ABCA4: variants seen among roughly 807,000 people sequenced by gnomAD.
ABCA4 encodes the protein ATP binding cassette subfamily A member 4.
A neutral mutation model predicts 263.7 loss-of-function variants in ABCA4; 196 were observed. The observed-to-expected ratio is 0.74, with a 90% CI of 0.66 to 0.84. The LOEUF (loss-of-function observed/expected upper bound fraction) is 0.84, where lower values mean the gene tolerates loss of function less well. ABCA4 is among the 40% of genes least tolerant of loss of function. ABCA4 has a pLI of 0.00. For missense variants in ABCA4, 2,792 were observed against 2,855.1 expected, an observed-to-expected ratio of 0.98 and a Z score of 0.50; for synonymous variants, 1,133 against 1,094.2, an observed-to-expected ratio of 1.04 and a Z score of -0.70.
In ABCA4 at chr1:94,077,764, T is replaced by C. The variant is rs377135053; in HGVS notation, c.1480A>G (p.Met494Val). Reference protein sequence around the residue: ...KGPRESQADDMANFDWRDIFN... With the variant: ...KGPRESQADDVANFDWRDIFN... The stretch of plus-strand genomic sequence containing the variant: ...ATGTCCCTCCAGTCGAAGTTGGCCA[T>C]GTCGTCAGCCTGGCTTTCCCGAGGG... Residue 494 changes from methionine to valine, a missense_variant, in exon 11 of 50, where the codon ATG (methionine) becomes GTG (valine). Physicochemically the swap from Met to Val is conservative, Grantham distance 21. Transcript: ENST00000370225. The C allele has an allele frequency of 8.9e-5, 143 of 1,614,070 alleles. No homozygotes were observed. Among genetic ancestry groups the C allele is most frequent in the Non-Finnish European group, 1.2e-4 (138 of 1,180,036 alleles).
At chr1:94,093,801 G>C (rs1046655909) in intron 6 of ABCA4, among the ~76,000 whole-genome samples, 1 of 152,162 alleles carries the variant, frequency 6.6e-6, no homozygotes, top group Non-Finnish European at 1.5e-5. Flanking sequence ...TTTCTTCTTT[G>C]TTGAAATCCA....
intron 1 of ABCA4, 82 bp downstream of exon 1, chr1:94,120,898 C>CCT: frequency 1.3e-6 from 1 of 746,056 alleles, no homozygotes; most frequent in South Asian, 1.4e-5. Flanking sequence ...CCCCACCACC[C>CCT]TACCCCACCA....
intron 43 of ABCA4, among the ~76,000 whole-genome samples, 187 bp downstream of exon 43, chr1:94,007,447 C>A (rs915384065): frequency 6.6e-6 from 1 of 150,984 alleles, no homozygotes. Flanking sequence ...TATCACAATT[C>A]AGTTCACTTT....
chr1:94,092,644 G>T (rs1467428010), intron 6 of ABCA4, among the ~76,000 whole-genome samples: 4 of 152,148 alleles, frequency 2.6e-5, no homozygotes, highest in Non-Finnish European at 5.9e-5. Context: ...ACTAGAGGGT[G>T]GGCTCTTGGG....
chr1:94,063,661 T>C (rs937120952), intron 11 of ABCA4, among the ~76,000 whole-genome samples: 2 of 151,490 alleles, frequency 1.3e-5, no homozygotes, highest in African/African-American at 4.9e-5. Flanking sequence ...GGCGAGGGAG[T>C]GGGGTCACAC....
chr1:94,073,095 T>C (rs1312904968), intron 11 of ABCA4, among the ~76,000 whole-genome samples: 1 of 152,168 alleles, frequency 6.6e-6, no homozygotes, highest in African/African-American at 2.4e-5. Flanking sequence ...TCTCTGCTAC[T>C]AAGCCATCCT....
At chr1:94,012,101 G>A (rs572664987) in intron 38 of ABCA4, among the ~76,000 whole-genome samples, 2 of 152,306 alleles carry the variant, frequency 1.3e-5, no homozygotes, top group African/African-American at 4.8e-5. Context: ...GGCGTACGAG[G>A]CCAGCATAGC....
chr1:94,103,666 GAC>G (rs1269681875), intron 4 of ABCA4, among the ~76,000 whole-genome samples: 1 of 152,196 alleles, frequency 6.6e-6, no homozygotes, highest in Non-Finnish European at 1.5e-5. Context: ...GATTGGAGGA[GAC>G]ACGTGCTCTT....
intron 32 of ABCA4, among the ~76,000 whole-genome samples, chr1:94,022,967 T>C (rs997952587): frequency 3.9e-5 from 6 of 152,150 alleles, no homozygotes; most frequent in African/African-American, 1.4e-4. Context: ...CTGGAAATAT[T>C]TCAACCTCCA....
chr1:94,057,342 C>G (rs1401008172), intron 14 of ABCA4, among the ~76,000 whole-genome samples: 1 of 152,184 alleles, frequency 6.6e-6, no homozygotes, highest in Non-Finnish European at 1.5e-5. Context: ...GTTAAGTAAG[C>G]AAATCCTCGG....
chr1:94,033,835 G>T (rs1660272057), intron 26 of ABCA4, among the ~76,000 whole-genome samples: 1 of 152,084 alleles, frequency 6.6e-6, no homozygotes, highest in South Asian at 2.1e-4. Flanking sequence ...AGTTCTGCAG[G>T]CTCCTTCTCC....
chr1:94,078,700 A>G lies in ABCA4; in HGVS notation c.1246T>C (p.Ser416Pro). 1 of 1,612,140 alleles carries G rather than the reference A, an allele frequency of 6.2e-7. No individual in the cohort carries two copies. Among genetic ancestry groups the G allele is most frequent in the South Asian group, 1.1e-5 (1 of 91,062 alleles). ...AARRILKNAN[S>P]TFEELEHVRK... ...ACGTGTTCCAGTTCTTCAAAAGTTG[A>G]GTTGGCCTAAAACCAGACAGAGATC... Residue 416 changes from serine to proline, a missense_variant, in exon 10 of 50, where the codon TCA becomes CCA. Ser to Pro is a moderately conservative substitution (Grantham distance 74). Transcript: ENST00000370225.
Position 94,081,034 on chromosome 1 carries a change from C to A in ABCA4, c.859-316G>T, listed in dbSNP as rs571809118. 7.5e-4 allele frequency among the ~76,000 whole-genome samples: 114 copies of A among 152,060 alleles called. 1 individual carries two copies. In the East Asian group the frequency reaches 0.02, roughly 27 times the overall value. ...GGTCAGGAGATCGAGACCATCCTGG[C>A]GAACATGGTGAAACCCCGTCTCTAT... On this transcript the variant is annotated intron_variant, in intron 7 of 49. Transcript: ENST00000370225.
chr1:94,021,704 G>C lies in ABCA4; in HGVS notation c.4784C>G (p.Thr1595Ser). The C allele has an allele frequency of 5.6e-6, 9 of 1,613,108 alleles. No homozygotes were observed. Among genetic ancestry groups the C allele is most frequent in the Non-Finnish European group, 7.6e-6 (9 of 1,179,424 alleles). Residue 1595 changes from threonine (T) to serine (S), a missense_variant, in exon 34 of 50, where the codon ACT (threonine) becomes AGT (serine). Transcript: ENST00000370225. Reference protein sequence around the residue: ...RIMNVSGGPITREASKEIPDF... With the variant: ...RIMNVSGGPISREASKEIPDF... ...AGGTATTTCTTTAGAGGCCTCTCTA[G>C]TGATAGGGCCCTAAAAACCATGTAA... is the stretch of plus-strand genomic sequence containing the variant.
intron 27 of ABCA4, 103 bp downstream of exon 27, chr1:94,031,675 C>T: frequency 1.4e-6 from 2 of 1,477,972 alleles, no homozygotes; most frequent in South Asian, 1.2e-5. Context: ...AGAGGGTGCT[C>T]CTTGCTGAGT....
chr1:94,051,308 A>C (rs1177871293), intron 17 of ABCA4, among the ~76,000 whole-genome samples: 1 of 152,258 alleles, frequency 6.6e-6, no homozygotes, highest in East Asian at 1.9e-4. Flanking sequence ...TTTCTGCTTT[A>C]TACTGAAAAG....
chr1:94,044,759 C>T lies in ABCA4; in HGVS notation c.2919-15G>A, dbSNP rs750763085. ...TCAGGATGGACCTGCAGAACACAGGCGTCAGTGGCAGAAGAGATGGCCTTT... is the reference window on the plus strand; with the variant it reads ...TCAGGATGGACCTGCAGAACACAGGTGTCAGTGGCAGAAGAGATGGCCTTT... On this transcript the variant is annotated splice_polypyrimidine_tract_variant and intron_variant, in intron 19 of 49. Transcript: ENST00000370225. 36 of 1,614,076 alleles carry T rather than the reference C, an allele frequency of 2.2e-5. 1 individual carries two copies. The highest frequency in any genetic ancestry group is 1.3e-4 in the South Asian group (12 of 91,092).
chr1:94,022,166 T>A (rs1349267210), intron 32 of ABCA4, among the ~76,000 whole-genome samples: 1 of 152,210 alleles, frequency 6.6e-6, no homozygotes, highest in African/African-American at 2.4e-5. Flanking sequence ...CTGAGGCCCT[T>A]CTGCATCTGG....
At chr1:94,033,337 C>A (rs1282512289) in intron 26 of ABCA4, among the ~76,000 whole-genome samples, 1 of 151,422 alleles carries the variant, frequency 6.6e-6, no homozygotes, top group African/African-American at 2.4e-5. Flanking sequence ...GGTGGGAGGA[C>A]CCCTTGGGCC....
Sources: allele counts gnomAD v4.1 joint callset (sites outside exome capture counted in the v4.1 genomes callset), GRCh38; gene constraint gnomAD v4.1.1; transcripts MANE v1.5; gene names NCBI Gene and HGNC (gene_info 2026-07-23, HGNC 2026-07-21).